CNTN1: variants seen among roughly 807,000 people sequenced by gnomAD.
CNTN1 encodes the protein contactin 1.
Under a neutral mutation model 126.4 loss-of-function variants are expected in CNTN1, and 38 were observed. That is an observed-to-expected ratio of 0.30 (90% CI 0.23 to 0.39). The LOEUF is 0.39. CNTN1 is among the 10% of genes least tolerant of loss of function. The pLI, the probability that CNTN1 is intolerant of heterozygous loss-of-function variation, is 1.00. For synonymous variants in CNTN1, 413 were observed against 422.6 expected (o/e 0.98, Z 0.28); for missense variants, 1,009 against 1,248.4 (o/e 0.81, Z 2.89).
At chr12:40,918,544 T>C in intron 3 of CNTN1, 95 bp from the exon 4 acceptor site, 1 of 1,121,412 alleles carries the variant, frequency 8.9e-7, no homozygotes, top group Non-Finnish European at 1.3e-6. Flanking sequence ...GAGATTCTGT[T>C]TCTGATTTTT....
At chr12:40,885,633 G>A (rs991174895) in intron 1 of CNTN1, among the ~76,000 whole-genome samples, 1 of 151,958 alleles carries the variant, frequency 6.6e-6, no homozygotes. Context: ...AGAATTAAAT[G>A]TATTTACAGT....
intron 15 of CNTN1, chr12:40,972,245 G>C: frequency 1.0e-6 from 1 of 985,238 alleles, no homozygotes; most frequent in Non-Finnish European, 1.2e-6. Flanking sequence ...AGATCGTTTG[G>C]GTGGAAGGTT....
Position 40,933,534 on chromosome 12 carries a change from G to A in CNTN1, c.777G>A (p.Val259=), listed in dbSNP as rs1277987727. 5 of 1,610,952 alleles carry A rather than the reference G, an allele frequency of 3.1e-6. No homozygotes were observed. The highest frequency in any genetic ancestry group is 2.2e-5 in the East Asian group (1 of 44,786). ...TATATGCATTGATGGGCCAAAATGT[G>A]ACCTTAGAATGTTTTGCACTTGGAA... The part of the protein sequence containing the change: ...KDVYALMGQN[V]TLECFALGNP... The change falls in exon 8 of 24, where the codon GTG becomes GTA. Residue 259 remains valine (V), a synonymous_variant. Coordinates refer to ENST00000551295, the MANE Select transcript of CNTN1 (RefSeq NM_001843.4).
intron 12 of CNTN1, 29 bp downstream of exon 12, chr12:40,939,514 C>A: frequency 6.2e-7 from 1 of 1,611,244 alleles, no homozygotes; most frequent in Non-Finnish European, 8.5e-7. Context: ...AATCCAATTG[C>A]AAAATCTGTT....
At chr12:40,753,585 C>A (rs551138921) in intron 1 of CNTN1, among the ~76,000 whole-genome samples, 61 of 152,200 alleles carry the variant, frequency 4.0e-4, no homozygotes, top group Admixed American at 1.2e-3. Context: ...ACCATGAGAT[C>A]TCGTGAGAAC....
rs180955758 is a variant in CNTN1 at position 40,695,975 on chromosome 12, G to A, written c.-77+3383G>A. Among the ~76,000 whole-genome samples, 262 of 152,308 alleles carry A rather than the reference G, an allele frequency of 1.7e-3. 2 individuals carry two copies. In the East Asian group the frequency reaches 0.021, roughly 12 times the overall value. On this transcript the variant is annotated intron_variant, in intron 1 of 23. Coordinates refer to ENST00000551295, the MANE Select transcript of CNTN1 (RefSeq NM_001843.4). ...AGGCTTTGGGAGGAAGCCTGCAGGT[G>A]TTAATATTTATGTATCATGATGCAG...
At chr12:40,799,772 G>C (rs1940575059) in intron 1 of CNTN1, among the ~76,000 whole-genome samples, 2 of 151,918 alleles carry the variant, frequency 1.3e-5, no homozygotes, top group Non-Finnish European at 2.9e-5. Flanking sequence ...CTATATACAA[G>C]CACTATGCTT....
intron 1 of CNTN1, among the ~76,000 whole-genome samples, chr12:40,789,290 T>C (rs567182887): frequency 6.6e-6 from 1 of 152,178 alleles, no homozygotes; most frequent in Non-Finnish European, 1.5e-5. Flanking sequence ...CAATAACACT[T>C]AAATTGCTTA....
At chr12:40,857,956 T>C (rs1004077004) in intron 1 of CNTN1, among the ~76,000 whole-genome samples, 1 of 152,168 alleles carries the variant, frequency 6.6e-6, no homozygotes, top group African/African-American at 2.4e-5. Context: ...TGTTAAAACA[T>C]ACTTGGTTAT....
intron 23 of CNTN1, among the ~76,000 whole-genome samples, chr12:41,045,163 A>G (rs959124437): frequency 3.3e-5 from 5 of 151,914 alleles, no homozygotes; most frequent in Admixed American, 6.6e-5. Flanking sequence ...ACTAAGATAC[A>G]CCTACCCCCG....
At chr12:40,806,559 G>A (rs1940864488) in intron 1 of CNTN1, among the ~76,000 whole-genome samples, 1 of 152,108 alleles carries the variant, frequency 6.6e-6, no homozygotes, top group South Asian at 2.1e-4. Context: ...GACCACCAGT[G>A]GGGGCTCTCT....
At chr12:40,774,257 G>C (rs951400086) in intron 1 of CNTN1, among the ~76,000 whole-genome samples, 1 of 151,548 alleles carries the variant, frequency 6.6e-6, no homozygotes, top group African/African-American at 2.4e-5. Flanking sequence ...GGTGACAAAA[G>C]GAAGGAGCCT....
intron 14 of CNTN1, among the ~76,000 whole-genome samples, chr12:40,947,782 T>TACAC (rs56852774): frequency 0.013 from 1,579 of 118,840 alleles, 20 homozygotes; most frequent in East Asian, 0.019. Flanking sequence ...TATATATATA[T>TACAC]ACACACACAC....
rs760221450 is a variant in CNTN1 at position 41,072,301 on chromosome 12, TTTAG to T, written c.*2270_*2273del. 3.3e-5 allele frequency: 5 copies of T among 152,370 alleles called. No homozygotes were observed. Among genetic ancestry groups the T allele is most frequent in the Non-Finnish European group, 7.3e-5 (5 of 68,030 alleles). The allele number at this position is 152,370 out of a possible 1,614,324, so 9.4% of individuals were successfully genotyped here. A position where few individuals can be genotyped will look rare whatever the true frequency, so the allele number is the denominator to read the frequency against. ...ATACTGATAAATATTGAATTGATTT[TTTAG>T]TTATTTTTTATCATTTTTTCAATGG... On this transcript the variant is annotated 3_prime_UTR_variant, in exon 24 of 24. Transcript: ENST00000551295.
At chr12:40,785,717 T>A (rs912667418) in intron 1 of CNTN1, among the ~76,000 whole-genome samples, 1 of 152,142 alleles carries the variant, frequency 6.6e-6, no homozygotes, top group African/African-American at 2.4e-5. Context: ...AATGGTGGAA[T>A]GTCATCAGTT....
chr12:41,061,825 C>A (rs1451784100), intron 23 of CNTN1: 6 of 455,810 alleles, frequency 1.3e-5, no homozygotes, highest in Middle Eastern at 3.3e-4. Context: ...AGAACCATGT[C>A]TTGAGCCCAA....
At chr12:40,913,215 C>T (rs1945106123) in intron 3 of CNTN1, among the ~76,000 whole-genome samples, 1 of 152,176 alleles carries the variant, frequency 6.6e-6, no homozygotes, top group African/African-American at 2.4e-5. Flanking sequence ...AAAAGTACTG[C>T]AATGTTACCT....
intron 23 of CNTN1, among the ~76,000 whole-genome samples, chr12:41,044,656 G>T (rs1949503134): frequency 6.6e-6 from 1 of 152,022 alleles, no homozygotes; most frequent in African/African-American, 2.4e-5. Flanking sequence ...GAATATTGCT[G>T]AAGGAACTAA....
intron 1 of CNTN1, among the ~76,000 whole-genome samples, chr12:40,786,555 G>T (rs1402404462): frequency 6.6e-6 from 1 of 152,152 alleles, no homozygotes; most frequent in Non-Finnish European, 1.5e-5. Context: ...CAAAGTGGTT[G>T]CTTTGAATAT....
Sources: gnomAD v4.1 joint callset for allele counts (sites outside exome capture counted in the v4.1 genomes callset) on GRCh38, gnomAD v4.1.1 for gene constraint, MANE v1.5 for transcripts, NCBI Gene and HGNC (gene_info 2026-07-23, HGNC 2026-07-21) for gene names.